Variants in ABHD6 observed in about 807,000 individuals in gnomAD.
The protein encoded by ABHD6 is monoacylglycerol lipase ABHD6.
In ABHD6, 33 loss-of-function variants were observed where a neutral mutation model predicts 38.8. That is an observed-to-expected ratio of 0.85 (90% CI 0.64 to 1.14). ABHD6 has a LOEUF of 1.14. Ranked by LOEUF, ABHD6 falls within the 50% of genes most tolerant of loss-of-function variation. The pLI, the probability that ABHD6 is intolerant of heterozygous loss-of-function variation, is 0.00. For synonymous variants in ABHD6, 147 were observed against 161.6 expected (o/e 0.91, Z 0.69); for missense variants, 380 against 422.6 (o/e 0.90, Z 0.88).
intron 1 of ABHD6, among the ~76,000 whole-genome samples, chr3:58,242,712 T>A (rs10866014): frequency 0.75 from 113,817 of 152,164 alleles, 43,778 homozygotes; most frequent in East Asian, 1. Flanking sequence ...CCAGCCAGTG[T>A]TCTTTTTATT....
At chr3:58,244,278 A>G (rs936241866) in intron 1 of ABHD6, among the ~76,000 whole-genome samples, 2 of 152,236 alleles carry the variant, frequency 1.3e-5, no homozygotes, top group Non-Finnish European at 2.9e-5. Context: ...AACAATTGAT[A>G]AAGAGAAGGG....
At position 58,285,447 on chromosome 3, in the gene ABHD6, A is replaced by G; in HGVS notation, c.831A>G (p.Gln277=). 6.2e-7 allele frequency: 1 copy of G among 1,613,890 alleles called. No individual in the cohort carries two copies. ...CGACGCAGATCATCTGGGGGAAACA[A>G]GACCAGGTATGTAACACATCCCCGC... is the stretch of plus-strand genomic sequence containing the variant. The part of the protein sequence containing the change: ...KVPTQIIWGK[Q]DQVLDVSGAD... Residue 277 remains glutamine (Q), a synonymous_variant, in exon 9 of 10, where the codon CAA becomes CAG. Coordinates refer to ENST00000478253, the MANE Select transcript of ABHD6 (RefSeq NM_001320126.2). The surrounding 1 kb of genome is among the most constrained non-coding windows in gnomAD (Gnocchi z 4.9).
chr3:58,285,589 T>C lies in ABHD6; in HGVS notation c.837+136T>C. On this transcript the variant is annotated intron_variant, in intron 9 of 9. Coordinates refer to ENST00000478253, the MANE Select transcript of ABHD6 (RefSeq NM_001320126.2). This position sits in a 1 kb window ranked among gnomAD's most constrained non-coding sequence, Gnocchi z 4.9. ...CAGGAAGAGGGGGAAGGCACCTGTG[T>C]TGGGTGCCAGTGTTGACAGTGGGCA... 1.4e-6 allele frequency: 1 copy of C among 740,322 alleles called. No individual in the cohort carries two copies. The allele number at this position is 740,322 out of a possible 1,614,324, so 45.9% of individuals were successfully genotyped here.
rs2097438437 is a variant in ABHD6 at position 58,263,391 on chromosome 3, A to G, written c.120-3798A>G. Among the ~76,000 whole-genome samples the G allele has an allele frequency of 7.1e-6, 1 of 141,238 alleles. No homozygotes were observed. Among genetic ancestry groups the G allele is most frequent in the South Asian group, 2.2e-4 (1 of 4,546 alleles). 92.7% of individuals were successfully genotyped at this position (141,238 alleles called of 152,430 possible). A position where few individuals can be genotyped will look rare whatever the true frequency, so the allele number is the denominator to read the frequency against. The stretch of plus-strand genomic sequence containing the variant: ...GGCAACGAGAGTGAAACTCCATCTC[A>G]AAAAAAAAAAAAAAGAAAAAATATT... On this transcript the variant is annotated intron_variant, in intron 3 of 9. Transcript: ENST00000478253. The surrounding 1 kb of genome is among the most constrained non-coding windows in gnomAD (Gnocchi z 4.9).
intron 6 of ABHD6, among the ~76,000 whole-genome samples, chr3:58,272,175 C>T (rs188104811): frequency 1.3e-5 from 2 of 152,256 alleles, no homozygotes; most frequent in Admixed American, 6.5e-5. Context: ...TTTAAATGTG[C>T]ATCTCAATGA....
At position 58,250,686 on chromosome 3, in the gene ABHD6, T is replaced by G. The variant is rs140733448; in HGVS notation, c.-26+744T>G. On this transcript the variant is annotated intron_variant, in intron 2 of 9. Transcript: ENST00000478253. The stretch of plus-strand genomic sequence containing the variant: ...TTTACCTTACATTCCTAGTAAATGT[T>G]GAACCCAACTGGGATTGGGTTTTTA... 5.3e-5 allele frequency among the ~76,000 whole-genome samples: 8 copies of G among 152,274 alleles called. No individual in the cohort carries two copies. In the East Asian group the frequency reaches 1.5e-3, roughly 29 times the overall value.
rs2097438599 is a variant in ABHD6 at position 58,263,528 on chromosome 3, C to G, written c.120-3661C>G. Among the ~76,000 whole-genome samples, 1 of 152,130 alleles carries G rather than the reference C, an allele frequency of 6.6e-6. No individual in the cohort carries two copies. Among genetic ancestry groups the G allele is most frequent in the East Asian group, 1.9e-4 (1 of 5,200 alleles). ...GAGCTCTGTCTGATAATGAAGAAGCCCTTAATTCCTGAATCCGGCAGTCTG... is the reference window on the plus strand; with the variant it reads ...GAGCTCTGTCTGATAATGAAGAAGCGCTTAATTCCTGAATCCGGCAGTCTG... On this transcript the variant is annotated intron_variant, in intron 3 of 9. Transcript: ENST00000478253. The surrounding 1 kb of genome is among the most constrained non-coding windows in gnomAD (Gnocchi z 4.9).
intron 9 of ABHD6, among the ~76,000 whole-genome samples, chr3:58,290,897 G>A (rs1160770864): frequency 6.7e-6 from 1 of 150,356 alleles, no homozygotes; most frequent in African/African-American, 2.5e-5. Context: ...TTTCCAGACT[G>A]GGCAGCCAGG....
chr3:58,274,592 C>A (rs961872365), intron 6 of ABHD6, 66 bp from the exon 7 acceptor site: 11 of 1,521,788 alleles, frequency 7.2e-6, no homozygotes, highest in South Asian at 2.5e-5. Context: ...CAGAAGTTCC[C>A]TATATAAAAT....
At position 58,267,394 on chromosome 3, in the gene ABHD6, G is replaced by A. The variant is rs1456142729; in HGVS notation, c.276+49G>A. 4.4e-6 allele frequency: 7 copies of A among 1,605,782 alleles called. No homozygotes were observed. The highest frequency in any genetic ancestry group is 6.0e-6 in the Non-Finnish European group (7 of 1,175,354). The stretch of plus-strand genomic sequence containing the variant: ...TTATAAGAAAAGGGAGTTGGGTGCT[G>A]TGGCTCATGCCTATAATCCCAGCAC... On this transcript the variant is annotated intron_variant, in intron 4 of 9. Coordinates refer to ENST00000478253, the MANE Select transcript of ABHD6 (RefSeq NM_001320126.2). This position sits in a 1 kb window ranked among gnomAD's most constrained non-coding sequence, Gnocchi z 4.3.
Position 58,256,908 on chromosome 3 carries a change from T to G in ABHD6, c.119+203T>G, listed in dbSNP as rs189800768. 6.6e-6 allele frequency among the ~76,000 whole-genome samples: 1 copy of G among 152,190 alleles called. No individual in the cohort carries two copies. The highest frequency in any genetic ancestry group is 1.9e-4 in the East Asian group (1 of 5,186). ...GATCAGTTCTTTCAGGTTTGTTTGT[T>G]TGTTTGTTTTTTGGAGACAGAGTTG... On this transcript the variant is annotated intron_variant, in intron 3 of 9. Coordinates refer to ENST00000478253, the MANE Select transcript of ABHD6 (RefSeq NM_001320126.2). The surrounding 1 kb of genome is among the most constrained non-coding windows in gnomAD (Gnocchi z 4.3).
intron 9 of ABHD6, among the ~76,000 whole-genome samples, chr3:58,290,304 C>G (rs1432928469): frequency 7.0e-6 from 1 of 142,128 alleles, no homozygotes; most frequent in African/African-American, 2.6e-5. Context: ...GCTGACCCCC[C>G]CCACCTCCCT....
chr3:58,239,440 A>G (rs6800889), intron 1 of ABHD6, among the ~76,000 whole-genome samples: 21,630 of 152,132 alleles, frequency 0.14, 2,288 homozygotes, highest in African/African-American at 0.3. Flanking sequence ...TAATTAATAA[A>G]TGGCTCACAC....
At position 58,267,166 on chromosome 3, in the gene ABHD6, T is replaced by A; in HGVS notation, c.120-23T>A. On this transcript the variant is annotated intron_variant, in intron 3 of 9. Coordinates refer to ENST00000478253, the MANE Select transcript of ABHD6 (RefSeq NM_001320126.2). This position sits in a 1 kb window ranked among gnomAD's most constrained non-coding sequence, Gnocchi z 4.3. Reference sequence around the variant, plus strand: ...TCTAGAGCTTACTGATTTCGTTTTGTCTTTATTTCTCACCCCTTCCAGGTA... The same window carrying A: ...TCTAGAGCTTACTGATTTCGTTTTGACTTTATTTCTCACCCCTTCCAGGTA... The A allele has an allele frequency of 6.2e-7, 1 of 1,612,226 alleles. No individual in the cohort carries two copies. Among genetic ancestry groups the A allele is most frequent in the Non-Finnish European group, 8.5e-7 (1 of 1,178,878 alleles).
intron 5 of ABHD6, among the ~76,000 whole-genome samples, chr3:58,270,105 G>A (rs745655186): frequency 5.9e-5 from 9 of 152,136 alleles, no homozygotes; most frequent in Non-Finnish European, 8.8e-5. Flanking sequence ...ATATTTTTTA[G>A]AATGCTGGAT....
At chr3:58,247,488 C>T (rs145166977) in intron 1 of ABHD6, among the ~76,000 whole-genome samples, 59 of 152,254 alleles carry the variant, frequency 3.9e-4, no homozygotes, top group African/African-American at 1.4e-3. Context: ...TTTAAGCAGC[C>T]ACATGTGACT....
At chr3:58,247,757 T>G (rs187417883) in intron 1 of ABHD6, among the ~76,000 whole-genome samples, 39 of 152,302 alleles carry the variant, frequency 2.6e-4, no homozygotes, top group African/African-American at 8.9e-4. Flanking sequence ...GTATTTTTAG[T>G]GGAGTCAGGG....
At chr3:58,264,289 A>C (rs1559776125) in intron 3 of ABHD6, among the ~76,000 whole-genome samples, 2 of 152,006 alleles carry the variant, frequency 1.3e-5, no homozygotes, top group South Asian at 4.1e-4. Flanking sequence ...AATTATACTT[A>C]CTAGGTCAAC....
chr3:58,268,633 C>A (rs1292982319), intron 4 of ABHD6, among the ~76,000 whole-genome samples: 2 of 152,178 alleles, frequency 1.3e-5, no homozygotes, highest in Non-Finnish European at 2.9e-5. Flanking sequence ...TAGTTGTATT[C>A]TTATTTCCAA....
Sources: gnomAD v4.1 joint callset for allele counts (sites outside exome capture counted in the v4.1 genomes callset) on GRCh38, gnomAD v4.1.1 for gene constraint, Gnocchi (gnomAD v3.1) non-coding constraint, MANE v1.5 for transcripts, NCBI Gene and HGNC (gene_info 2026-07-23, HGNC 2026-07-21) for gene names.